EXOC6: variants seen among roughly 807,000 people sequenced by gnomAD.
EXOC6 encodes the protein SEC15-like 1.
Under a neutral mutation model 112.5 loss-of-function variants are expected in EXOC6, and 60 were observed. That is an observed-to-expected ratio of 0.53 (90% CI 0.43 to 0.66). The LOEUF (loss-of-function observed/expected upper bound fraction) is 0.66, where lower values mean the gene tolerates loss of function less well. Ranked by LOEUF, EXOC6 falls within the 30% of genes least tolerant of loss-of-function variation. EXOC6 has a pLI of 0.00. For missense variants in EXOC6, 855 were observed against 957.1 expected (o/e 0.89, Z 1.41); for synonymous variants, 295 against 308.0 (o/e 0.96, Z 0.44).
At chr10:92,958,516 A>G (rs1433344237) in intron 17 of EXOC6, among the ~76,000 whole-genome samples, 1 of 152,174 alleles carries the variant, frequency 6.6e-6, no homozygotes, top group Non-Finnish European at 1.5e-5. Context: ...ATGACTATGT[A>G]GCAAAGCCTT....
chr10:92,857,808 G>A (rs1357754671), intron 1 of EXOC6, among the ~76,000 whole-genome samples: 1 of 152,004 alleles, frequency 6.6e-6, no homozygotes, highest in African/African-American at 2.4e-5. Flanking sequence ...TGTCTGGTCT[G>A]TGTGTCTGTG....
chr10:92,970,136 T>C (rs1387798565), intron 17 of EXOC6, among the ~76,000 whole-genome samples: 2 of 152,238 alleles, frequency 1.3e-5, no homozygotes, highest in East Asian at 3.8e-4. Context: ...TTCTCGGTGC[T>C]AGGGATATAT....
intron 20 of EXOC6, among the ~76,000 whole-genome samples, chr10:93,050,484 G>T (rs1349517683): frequency 7.9e-5 from 12 of 151,636 alleles, no homozygotes; most frequent in Admixed American, 7.9e-4. Flanking sequence ...CTGAGGCCAG[G>T]TGCGGTGGCT....
At chr10:92,981,296 C>G (rs992857826) in intron 18 of EXOC6, among the ~76,000 whole-genome samples, 1 of 152,184 alleles carries the variant, frequency 6.6e-6, no homozygotes, top group African/African-American at 2.4e-5. Flanking sequence ...AAATGGAACT[C>G]AGTAACGTTT....
chr10:92,861,532 A>T (rs1986356), intron 1 of EXOC6, among the ~76,000 whole-genome samples: 3,694 of 150,646 alleles, frequency 0.025, 145 homozygotes, highest in East Asian at 0.14. Flanking sequence ...TGCCATACTC[A>T]CCTTTTTTTT....
At chr10:92,963,250 G>A (rs1047726622) in intron 17 of EXOC6, among the ~76,000 whole-genome samples, 5 of 152,192 alleles carry the variant, frequency 3.3e-5, no homozygotes, top group African/African-American at 1.2e-4. Context: ...TCTTCTAGAA[G>A]CAGTTAGTGT....
At chr10:92,899,897 G>T (rs2133839289) in intron 5 of EXOC6, 1 of 370,292 alleles carries the variant, frequency 2.7e-6, no homozygotes, top group East Asian at 4.8e-5. Flanking sequence ...GAACAGGAAT[G>T]AAAATATTGA....
At chr10:92,980,114 T>TA (rs1842775730) in intron 18 of EXOC6, among the ~76,000 whole-genome samples, 1 of 152,274 alleles carries the variant, frequency 6.6e-6, no homozygotes, top group African/African-American at 2.4e-5. Flanking sequence ...ATTAGAATAA[T>TA]AAAAAGGCAA....
intron 20 of EXOC6, among the ~76,000 whole-genome samples, chr10:93,037,730 G>A (rs946456527): frequency 1.3e-5 from 2 of 149,900 alleles, no homozygotes; most frequent in African/African-American, 2.4e-5. Context: ...GTGAGCCACC[G>A]CACCTGGCTA....
At chr10:92,969,162 A>G (rs941122517) in intron 17 of EXOC6, among the ~76,000 whole-genome samples, 33 of 152,146 alleles carry the variant, frequency 2.2e-4, no homozygotes, top group African/African-American at 6.0e-4. Context: ...TATTCCAAGC[A>G]TGGAGCACAC....
chr10:92,917,922 G>A (rs1288222593), intron 7 of EXOC6, among the ~76,000 whole-genome samples: 2 of 152,130 alleles, frequency 1.3e-5, no homozygotes, highest in South Asian at 2.1e-4. Flanking sequence ...GAGGCCGAGG[G>A]GGGCAGATTG....
upstream of EXOC6, chr10:92,848,434 C>CCG: frequency 2.7e-6 from 2 of 729,440 alleles, no homozygotes; most frequent in Non-Finnish European, 3.4e-6. Context: ...GGCCCGAGCG[C>CCG]CCCGCCCCCG....
intron 21 of EXOC6, 105 bp from the exon 22 acceptor site, chr10:93,058,118 T>C (rs1423195811): frequency 6.1e-6 from 6 of 977,460 alleles, no homozygotes; most frequent in Non-Finnish European, 9.0e-6. Context: ...TTTTCAAGCA[T>C]AGGATTAGTG....
intron 20 of EXOC6, among the ~76,000 whole-genome samples, chr10:93,026,752 TAATC>T (rs1164128210): frequency 6.6e-6 from 1 of 152,196 alleles, no homozygotes; most frequent in Non-Finnish European, 1.5e-5. Context: ...ATGATGAACT[TAATC>T]AATAAACCTG....
At chr10:92,962,027 A>T (rs1397688271) in intron 17 of EXOC6, among the ~76,000 whole-genome samples, 1 of 152,214 alleles carries the variant, frequency 6.6e-6, no homozygotes, top group Non-Finnish European at 1.5e-5. Context: ...TAGTTAGTTT[A>T]CAGTGACCTG....
chr10:92,973,767 C>T (rs1842387744), intron 17 of EXOC6, among the ~76,000 whole-genome samples: 1 of 152,076 alleles, frequency 6.6e-6, no homozygotes, highest in Admixed American at 6.6e-5. Flanking sequence ...TAAGGGTCCT[C>T]TTAGAGTTGT....
At chr10:92,911,581 C>G (rs1183323879) in intron 6 of EXOC6, among the ~76,000 whole-genome samples, 1 of 152,074 alleles carries the variant, frequency 6.6e-6, no homozygotes, top group Non-Finnish European at 1.5e-5. Flanking sequence ...ATCATGGGCC[C>G]TAGGATTTAA....
chr10:92,911,092 A>G (rs11187215), intron 6 of EXOC6, among the ~76,000 whole-genome samples: 15,491 of 136,400 alleles, frequency 0.11, 868 homozygotes, highest in Admixed American at 0.19. Flanking sequence ...AAATTTTCTA[A>G]GAGCTGTTCT....
chr10:92,913,190 A>G (rs1250898609), intron 6 of EXOC6, among the ~76,000 whole-genome samples: 1 of 152,210 alleles, frequency 6.6e-6, no homozygotes, highest in Non-Finnish European at 1.5e-5. Context: ...CCACAATTCC[A>G]GAAACTGGGG....
Sources: gnomAD v4.1 joint callset for allele counts (sites outside exome capture counted in the v4.1 genomes callset) on GRCh38, gnomAD v4.1.1 for gene constraint, MANE v1.5 for transcripts, NCBI Gene and HGNC (gene_info 2026-07-23, HGNC 2026-07-21) for gene names.